ZNF148: variants seen among roughly 807,000 people sequenced by gnomAD.
ZNF148 encodes zinc finger protein 148, also known as Beta-Enolase Repressor Factor-1.
ZNF148 carries 7 observed loss-of-function variants against 67.7 expected under a neutral mutation model. That is an observed-to-expected ratio of 0.10 (90% CI 0.06 to 0.19). ZNF148 has a LOEUF of 0.19. Ranked by LOEUF, ZNF148 falls within the 10% of genes least tolerant of loss-of-function variation. The pLI is 1.00. For missense variants in ZNF148, 583 were observed against 947.1 expected, an observed-to-expected ratio of 0.62 and a Z score of 5.05; for synonymous variants, 333 against 330.7, an observed-to-expected ratio of 1.01 and a Z score of -0.08.
intron 1 of ZNF148, among the ~76,000 whole-genome samples, chr3:125,341,949 T>C (rs1447782701): frequency 6.9e-6 from 1 of 145,162 alleles, no homozygotes; most frequent in African/African-American, 2.6e-5. Context: ...TGAGCCAAGA[T>C]CGTGCCACTA....
At chr3:125,330,462 T>A (rs1941237589) in intron 2 of ZNF148, among the ~76,000 whole-genome samples, 2 of 34,166 alleles carry the variant, frequency 5.9e-5, no homozygotes, top group African/African-American at 3.4e-4. Context: ...CAAAACCCTA[T>A]CTCAAAAAAA....
chr3:125,247,314 T>C (rs1159587076), intron 7 of ZNF148, among the ~76,000 whole-genome samples: 3 of 152,222 alleles, frequency 2.0e-5, no homozygotes, highest in Admixed American at 2.0e-4. Context: ...AAAAAGAAAG[T>C]TTAAAAAATT....
At chr3:125,254,860 T>G (rs548212822) in intron 7 of ZNF148, among the ~76,000 whole-genome samples, 1 of 152,348 alleles carries the variant, frequency 6.6e-6, no homozygotes, top group East Asian at 1.9e-4. Flanking sequence ...TGTTTTGGAT[T>G]AAATCTTTAT....
intron 2 of ZNF148, among the ~76,000 whole-genome samples, chr3:125,324,764 T>C (rs527535005): frequency 6.6e-6 from 1 of 152,242 alleles, no homozygotes; most frequent in African/African-American, 2.4e-5. Flanking sequence ...TGATTTCCTC[T>C]TTGAACTTCA....
At chr3:125,327,431 T>C (rs769937202) in intron 2 of ZNF148, among the ~76,000 whole-genome samples, 1 of 152,166 alleles carries the variant, frequency 6.6e-6, no homozygotes, top group African/African-American at 2.4e-5. Context: ...CAAACAATAC[T>C]AGAATACATA....
At chr3:125,305,452 C>T (rs183750698) in intron 4 of ZNF148, among the ~76,000 whole-genome samples, 51 of 152,302 alleles carry the variant, frequency 3.3e-4, no homozygotes, top group African/African-American at 1.2e-3. Context: ...AACTGCTGGA[C>T]TTTAGCAGCT....
At chr3:125,369,193 C>T (rs1447910082) in intron 1 of ZNF148, among the ~76,000 whole-genome samples, 1 of 122,770 alleles carries the variant, frequency 8.1e-6, no homozygotes, top group African/African-American at 3.2e-5. Flanking sequence ...ACTCAGGAGG[C>T]GGAGGTTGCA....
intron 1 of ZNF148, among the ~76,000 whole-genome samples, chr3:125,336,398 T>TA (rs1941494572): frequency 6.6e-6 from 1 of 152,186 alleles, no homozygotes; most frequent in African/African-American, 2.4e-5. Flanking sequence ...AATGATGTTT[T>TA]AAAAAGAATA....
chr3:125,270,401 A>G (rs534123333), intron 7 of ZNF148, among the ~76,000 whole-genome samples: 52 of 152,086 alleles, frequency 3.4e-4, no homozygotes, highest in Admixed American at 2.4e-3. Flanking sequence ...TGTGCTTCCA[A>G]TATTCAAAAA....
intron 4 of ZNF148, among the ~76,000 whole-genome samples, chr3:125,299,837 T>A (rs1384307070): frequency 6.6e-6 from 1 of 152,224 alleles, no homozygotes; most frequent in Non-Finnish European, 1.5e-5. Context: ...CCATGTGGTA[T>A]GAGAGTAAAA....
intron 7 of ZNF148, among the ~76,000 whole-genome samples, chr3:125,241,377 G>A (rs1444755050): frequency 6.6e-6 from 1 of 150,768 alleles, no homozygotes; most frequent in Non-Finnish European, 1.5e-5. Context: ...CTCGAATTCA[G>A]GGACTCAAGT....
chr3:125,316,134 A>T (rs1215171545), intron 3 of ZNF148, among the ~76,000 whole-genome samples: 1 of 152,194 alleles, frequency 6.6e-6, no homozygotes, highest in Non-Finnish European at 1.5e-5. Context: ...TTCATTTAAC[A>T]TAATGATCTC....
intron 5 of ZNF148, among the ~76,000 whole-genome samples, chr3:125,286,666 AAT>A (rs960808190): frequency 3.3e-5 from 5 of 152,316 alleles, no homozygotes; most frequent in East Asian, 3.9e-4. Context: ...TCTATTAAGA[AAT>A]AGATTATGTA....
chr3:125,369,054 G>A (rs1942787704), intron 1 of ZNF148, among the ~76,000 whole-genome samples: 1 of 151,520 alleles, frequency 6.6e-6, no homozygotes, highest in South Asian at 2.1e-4. Flanking sequence ...CTGAGGCCAG[G>A]AGTTCGAGAC....
intron 7 of ZNF148, among the ~76,000 whole-genome samples, chr3:125,244,629 C>G (rs1225081410): frequency 6.6e-6 from 1 of 152,128 alleles, no homozygotes; most frequent in Admixed American, 6.5e-5. Flanking sequence ...TCCTGAGTAG[C>G]TGGCATTACA....
chr3:125,311,215 C>CA (rs1376421196), intron 4 of ZNF148: 8 of 158,514 alleles, frequency 5.0e-5, no homozygotes, highest in Admixed American at 1.9e-4. Context: ...TTAATTTTGG[C>CA]AAAAAAAAGT....
Position 125,336,745 on chromosome 3 carries a change from C to T in ZNF148, c.-233-5507G>A, listed in dbSNP as rs367852449. On this transcript the variant is annotated intron_variant, in intron 1 of 8. Transcript: ENST00000360647. The stretch of plus-strand genomic sequence containing the variant: ...AGGCTGGAGTGCGGTGGTACAATCT[C>T]AGCTCACCACAACCTCCACCTCCCA... 2.2e-3 allele frequency among the ~76,000 whole-genome samples: 299 copies of T among 134,046 alleles called. 1 individual carries two copies. The highest frequency in any genetic ancestry group is 8.2e-3 in the African/African-American group (285 of 34,730). The allele number at this position is 134,046 out of a possible 152,430, so 87.9% of individuals were successfully genotyped here.
In ZNF148 at chr3:125,232,247, T is replaced by C; in HGVS notation, c.*94A>G. On this transcript the variant is annotated 3_prime_UTR_variant, in exon 9 of 9. Transcript: ENST00000360647. This position sits in a 1 kb window ranked among gnomAD's most constrained non-coding sequence, Gnocchi z 4.2. ...CTTAACTTGTTATTACGCATTGCTCTTAAATCTGTACAGCACTCCATTTAC... is the reference window on the plus strand; with the variant it reads ...CTTAACTTGTTATTACGCATTGCTCCTAAATCTGTACAGCACTCCATTTAC... 2.2e-6 allele frequency: 3 copies of C among 1,395,004 alleles called. No individual in the cohort carries two copies. The highest frequency in any genetic ancestry group is 3.0e-5 in the South Asian group (2 of 67,054). 86.4% of individuals were successfully genotyped at this position (1,395,004 alleles called of 1,614,324 possible).
chr3:125,365,192 A>T (rs1354834306), intron 1 of ZNF148, among the ~76,000 whole-genome samples: 2 of 152,176 alleles, frequency 1.3e-5, no homozygotes, highest in Non-Finnish European at 2.9e-5. Flanking sequence ...CTACCATAGA[A>T]CCTTGCACAT....
Sources: allele counts gnomAD v4.1 joint callset (sites outside exome capture counted in the v4.1 genomes callset), GRCh38; gene constraint gnomAD v4.1.1; non-coding constraint Gnocchi (gnomAD v3.1); transcripts MANE v1.5; gene names NCBI Gene and HGNC (gene_info 2026-07-23, HGNC 2026-07-21).